CFAP299: variants seen among roughly 807,000 people sequenced by gnomAD.
CFAP299 encodes the protein cilia and flagella associated protein 299.
A neutral mutation model predicts 27.0 loss-of-function variants in CFAP299; 21 were observed. That is an observed-to-expected ratio of 0.78 (90% CI 0.55 to 1.12). CFAP299 has a LOEUF of 1.12. CFAP299 is among the 50% of genes most tolerant of loss of function. The pLI is 0.00. For synonymous variants in CFAP299, 104 were observed against 98.1 expected, an observed-to-expected ratio of 1.06 and a Z score of -0.36; for missense variants, 310 against 276.6, an observed-to-expected ratio of 1.12 and a Z score of -0.86.
At chr4:80,855,110 TA>T (rs1731770469) in intron 3 of CFAP299, among the ~76,000 whole-genome samples, 1 of 152,080 alleles carries the variant, frequency 6.6e-6, no homozygotes, top group Non-Finnish European at 1.5e-5. Flanking sequence ...AAACAGTGGA[TA>T]AAGACAAGAT....
At chr4:80,417,211 T>C (rs1031301486) in intron 2 of CFAP299, among the ~76,000 whole-genome samples, 1 of 152,210 alleles carries the variant, frequency 6.6e-6, no homozygotes, top group Non-Finnish European at 1.5e-5. Context: ...ATTTCTAGCA[T>C]GCTAATACAT....
At chr4:80,842,168 G>C (rs1281323264) in intron 3 of CFAP299, among the ~76,000 whole-genome samples, 1 of 152,054 alleles carries the variant, frequency 6.6e-6, no homozygotes, top group African/African-American at 2.4e-5. Flanking sequence ...ATGAGAAGAG[G>C]CTACTGTATG....
chr4:80,676,038 G>A (rs1719430771), intron 3 of CFAP299, among the ~76,000 whole-genome samples: 1 of 152,122 alleles, frequency 6.6e-6, no homozygotes, highest in Admixed American at 6.5e-5. Flanking sequence ...CACCCTCCAT[G>A]GGCTGCACCC....
intron 1 of CFAP299, among the ~76,000 whole-genome samples, chr4:80,337,211 G>T (rs893137245): frequency 1.3e-5 from 2 of 152,052 alleles, no homozygotes; most frequent in Non-Finnish European, 2.9e-5. Flanking sequence ...TGAAATATAC[G>T]CTATAAACAT....
At chr4:80,560,217 A>G (rs1734974077) in intron 2 of CFAP299, among the ~76,000 whole-genome samples, 1 of 152,066 alleles carries the variant, frequency 6.6e-6, no homozygotes, top group African/African-American at 2.4e-5. Context: ...CTGGGTCAGA[A>G]GGGAAACCTC....
At chr4:80,829,521 C>T (rs1730182038) in intron 3 of CFAP299, among the ~76,000 whole-genome samples, 1 of 151,982 alleles carries the variant, frequency 6.6e-6, no homozygotes, top group Admixed American at 6.6e-5. Context: ...TATGGCATTT[C>T]CTCAAAAATA....
intron 3 of CFAP299, among the ~76,000 whole-genome samples, chr4:80,739,424 A>G (rs1724122526): frequency 6.6e-6 from 1 of 152,080 alleles, no homozygotes; most frequent in South Asian, 2.1e-4. Flanking sequence ...TTCACTGGAT[A>G]TACTATTCTA....
At chr4:80,755,027 C>G (rs1232491521) in intron 3 of CFAP299, among the ~76,000 whole-genome samples, 1 of 152,104 alleles carries the variant, frequency 6.6e-6, no homozygotes, top group Non-Finnish European at 1.5e-5. Context: ...AAGAGATCTT[C>G]TCCCAGAGAT....
intron 4 of CFAP299, among the ~76,000 whole-genome samples, chr4:80,889,987 AC>A (rs1456412747): frequency 1.3e-5 from 2 of 152,138 alleles, no homozygotes; most frequent in African/African-American, 4.8e-5. Context: ...ATGTAATAAA[AC>A]CCATATATGT....
intron 3 of CFAP299, among the ~76,000 whole-genome samples, chr4:80,781,003 A>T (rs1329977968): frequency 6.6e-6 from 1 of 151,958 alleles, no homozygotes; most frequent in East Asian, 1.9e-4. Flanking sequence ...ATTATTATAT[A>T]CATAATTATA....
chr4:80,702,622 C>CT (rs755486883), intron 3 of CFAP299, among the ~76,000 whole-genome samples: 3 of 151,740 alleles, frequency 2.0e-5, no homozygotes, highest in Non-Finnish European at 4.4e-5. Flanking sequence ...TTATTGAATA[C>CT]TTTTTCCTGG....
intron 3 of CFAP299, among the ~76,000 whole-genome samples, chr4:80,835,707 G>A (rs891649037): frequency 6.6e-6 from 1 of 152,186 alleles, no homozygotes; most frequent in Admixed American, 6.5e-5. Flanking sequence ...AAGAGCAGCA[G>A]AGGGAAATTA....
chr4:80,481,657 C>T (rs1035614377), intron 2 of CFAP299, among the ~76,000 whole-genome samples: 6 of 151,946 alleles, frequency 3.9e-5, no homozygotes, highest in African/African-American at 9.7e-5. Flanking sequence ...GAGGAAACCC[C>T]GCGTGACCCT....
At chr4:80,455,589 G>A (rs752814150) in intron 2 of CFAP299, among the ~76,000 whole-genome samples, 1 of 151,996 alleles carries the variant, frequency 6.6e-6, no homozygotes, top group East Asian at 1.9e-4. Flanking sequence ...GGAATGAAGA[G>A]ATTCAAAAGT....
chr4:80,672,673 A>G (rs1250729794), intron 3 of CFAP299, among the ~76,000 whole-genome samples: 1 of 152,136 alleles, frequency 6.6e-6, no homozygotes, highest in African/African-American at 2.4e-5. Context: ...TATTGCCTCA[A>G]TTTCAGAGCC....
intron 4 of CFAP299, chr4:80,871,533 C>T: frequency 2.0e-6 from 2 of 985,378 alleles, no homozygotes; most frequent in African/African-American, 3.5e-5. Context: ...ATTCCTGAAG[C>T]CTGCTATTGC....
chr4:80,468,385 G>A (rs1015773211), intron 2 of CFAP299, among the ~76,000 whole-genome samples: 12 of 151,652 alleles, frequency 7.9e-5, no homozygotes, highest in African/African-American at 2.7e-4. Context: ...CACCACACAT[G>A]GCTAATTTTT....
At chr4:80,417,637 T>C (rs1727081114) in intron 2 of CFAP299, among the ~76,000 whole-genome samples, 1 of 152,178 alleles carries the variant, frequency 6.6e-6, no homozygotes, top group South Asian at 2.1e-4. Flanking sequence ...TGAAATACAA[T>C]CATATTTCCT....
At chr4:80,349,496 A>G (rs1722917001) in intron 1 of CFAP299, among the ~76,000 whole-genome samples, 1 of 152,214 alleles carries the variant, frequency 6.6e-6, no homozygotes, top group African/African-American at 2.4e-5. Context: ...CCTGACATCA[A>G]TTTTTAAAAA....
Sources: gnomAD v4.1 joint callset for allele counts (sites outside exome capture counted in the v4.1 genomes callset) on GRCh38, gnomAD v4.1.1 for gene constraint, MANE v1.5 for transcripts, NCBI Gene and HGNC (gene_info 2026-07-23, HGNC 2026-07-21) for gene names.